Variants in SOX6 observed in about 807,000 individuals in gnomAD.
The protein encoded by SOX6 is transcription factor SOX-6.
In SOX6, 11 loss-of-function variants were observed where a neutral mutation model predicts 97.8. The observed-to-expected ratio is 0.11, with a 90% CI of 0.07 to 0.19. SOX6 has a LOEUF of 0.19. SOX6 is among the 10% of genes least tolerant of loss of function. The pLI, the probability that SOX6 is intolerant of heterozygous loss-of-function variation, is 1.00. For synonymous variants in SOX6, 360 were observed against 371.4 expected, an observed-to-expected ratio of 0.97 and a Z score of 0.35; for missense variants, 810 against 1,039.5, an observed-to-expected ratio of 0.78 and a Z score of 3.04.
intron 4 of SOX6, among the ~76,000 whole-genome samples, chr11:16,486,367 C>A (rs1327025045): frequency 6.6e-6 from 1 of 152,150 alleles, no homozygotes; most frequent in East Asian, 1.9e-4. Flanking sequence ...AAATACACTT[C>A]TTTGAAATAA....
chr11:16,085,797 C>T (rs1848565311), intron 9 of SOX6, among the ~76,000 whole-genome samples: 1 of 152,214 alleles, frequency 6.6e-6, no homozygotes, highest in Non-Finnish European at 1.5e-5. Context: ...CATAATGTGA[C>T]AACTGTTCAT....
chr11:16,496,222 A>G (rs546367196), intron 4 of SOX6, among the ~76,000 whole-genome samples: 9 of 152,254 alleles, frequency 5.9e-5, no homozygotes, highest in Non-Finnish European at 1.0e-4. Flanking sequence ...TTCTCCAGCA[A>G]TATATTTCAA....
At chr11:16,304,476 C>T (rs1004631538) in intron 3 of SOX6, among the ~76,000 whole-genome samples, 1 of 152,134 alleles carries the variant, frequency 6.6e-6, no homozygotes, top group African/African-American at 2.4e-5. Flanking sequence ...AGAGCCCTTA[C>T]CAGACACCAA....
At chr11:16,576,809 T>C (rs1784157426) in intron 4 of SOX6, 1 of 152,246 alleles carries the variant, frequency 6.6e-6, no homozygotes, top group Non-Finnish European at 1.5e-5. Context: ...ATCAGATAGC[T>C]ATGTTTAAAA....
chr11:16,379,787 ACAGATGAGT>A (rs1449618024), intron 1 of SOX6, among the ~76,000 whole-genome samples: 76 of 152,268 alleles, frequency 5.0e-4, no homozygotes, highest in African/African-American at 1.8e-3. Context: ...AGATTTAGCT[ACAGATGAGT>A]TTACTGCAAT....
intron 9 of SOX6, among the ~76,000 whole-genome samples, chr11:16,067,001 G>A (rs1848108890): frequency 6.6e-6 from 1 of 151,978 alleles, no homozygotes; most frequent in South Asian, 2.1e-4. Flanking sequence ...CCTTTGTTTT[G>A]GCCAATTTCT....
chr11:16,453,323 A>G (rs1462292721), intron 1 of SOX6, among the ~76,000 whole-genome samples: 9 of 152,130 alleles, frequency 5.9e-5, no homozygotes, highest in Admixed American at 2.6e-4. Flanking sequence ...AGACAGGTGA[A>G]TATCACTATC....
chr11:16,040,469 A>G (rs751209260), intron 12 of SOX6, among the ~76,000 whole-genome samples: 52 of 152,098 alleles, frequency 3.4e-4, no homozygotes, highest in Non-Finnish European at 7.2e-4. Context: ...TGTAAAATCC[A>G]ACATTAATAA....
chr11:16,158,057 C>A (rs1468169198), intron 6 of SOX6, among the ~76,000 whole-genome samples: 2 of 152,032 alleles, frequency 1.3e-5, no homozygotes, highest in African/African-American at 2.4e-5. Flanking sequence ...ATTTATCTTT[C>A]TTTTTTTATT....
chr11:16,583,593 GTA>G (rs140704271), intron 4 of SOX6, among the ~76,000 whole-genome samples: 36,768 of 89,408 alleles, frequency 0.41, 6,122 homozygotes, highest in South Asian at 0.61. Context: ...ATATATATAT[GTA>G]TATATGTGTA....
intron 6 of SOX6, among the ~76,000 whole-genome samples, chr11:16,170,739 C>A (rs1209254995): frequency 6.6e-6 from 1 of 151,998 alleles, no homozygotes; most frequent in African/African-American, 2.4e-5. Flanking sequence ...TTTAACTAGG[C>A]AAGGGAAATG....
chr11:16,063,980 C>G (rs75633078), intron 9 of SOX6, among the ~76,000 whole-genome samples: 1,828 of 151,672 alleles, frequency 0.012, 35 homozygotes, highest in African/African-American at 0.041. Context: ...TATGATGTGA[C>G]TGCTATTCTG....
At chr11:16,026,897 C>T (rs1005863470) in intron 12 of SOX6, among the ~76,000 whole-genome samples, 17 of 152,054 alleles carry the variant, frequency 1.1e-4, no homozygotes, top group African/African-American at 3.1e-4. Context: ...TATTTAGAAA[C>T]GCTTTTCAAA....
At chr11:16,115,055 C>T (rs753429655) in intron 6 of SOX6, among the ~76,000 whole-genome samples, 13 of 152,170 alleles carry the variant, frequency 8.5e-5, no homozygotes, top group Non-Finnish European at 1.6e-4. Context: ...GTTCATCACA[C>T]TCTGCAAAGA....
At chr11:16,695,027 A>C (rs1183877603) in intron 3 of SOX6, among the ~76,000 whole-genome samples, 1 of 152,228 alleles carries the variant, frequency 6.6e-6, no homozygotes, top group Non-Finnish European at 1.5e-5. Flanking sequence ...ATTTTATAAA[A>C]GAGGCTTGAG....
Position 16,144,932 on chromosome 11 carries a change from C to T in SOX6, c.778-33009G>A, listed in dbSNP as rs549007617. Among the ~76,000 whole-genome samples the T allele has an allele frequency of 1.5e-3, 223 of 152,328 alleles. 1 individual carries two copies. Among genetic ancestry groups the T allele is most frequent in the African/African-American group, 5.0e-3 (207 of 41,570 alleles). On this transcript the variant is annotated intron_variant, in intron 6 of 15. Transcript: ENST00000683767. The stretch of plus-strand genomic sequence containing the variant: ...ATTCTACCAGAGGTACAAGGAGGAG[C>T]TGGTACCATTCCTTCTGAAATTATT...
intron 4 of SOX6, among the ~76,000 whole-genome samples, chr11:16,197,339 C>A (rs553987770): frequency 2.6e-5 from 4 of 152,100 alleles, no homozygotes; most frequent in East Asian, 1.9e-4. Flanking sequence ...TGAAAACAGG[C>A]GCTTAAAAAA....
Position 16,614,144 on chromosome 11 carries a change from A to G in SOX6, n.430-1884T>C, listed in dbSNP as rs141213152. 2.0e-3 allele frequency among the ~76,000 whole-genome samples: 299 copies of G among 152,222 alleles called. 2 individuals are homozygous for G. Among genetic ancestry groups the G allele is most frequent in the African/African-American group, 7.0e-3 (289 of 41,548 alleles). On this transcript the variant is annotated intron_variant and non_coding_transcript_variant, in intron 3 of 5. Coordinates refer to the SOX6 transcript ENST00000524520. ...AGGGGCTGCGGCTCCGAAACTCCAA[A>G]CACTAACTCCCAGGGCAGTGGCAGA...
chr11:16,157,499 T>C (rs558011680), intron 6 of SOX6, among the ~76,000 whole-genome samples: 13 of 152,060 alleles, frequency 8.5e-5, no homozygotes, highest in Non-Finnish European at 2.9e-5. Context: ...TGTATTTACA[T>C]GTTCTGTCCC....
Sources: gnomAD v4.1 joint callset for allele counts (sites outside exome capture counted in the v4.1 genomes callset) on GRCh38, gnomAD v4.1.1 for gene constraint, MANE v1.5 for transcripts, NCBI Gene and HGNC (gene_info 2026-07-23, HGNC 2026-07-21) for gene names.